The following HCRTR2 variants were observed in gnomAD, a reference collection of about 807,000 sequenced individuals.
HCRTR2 encodes the protein orexin receptor type 2.
In HCRTR2, 22 loss-of-function variants were observed where a neutral mutation model predicts 49.0. The observed-to-expected ratio is 0.45, with a 90% CI of 0.32 to 0.64. HCRTR2 has a LOEUF of 0.64. Among genes scored for constraint, HCRTR2 ranks in the 30% least tolerant of loss-of-function variants. HCRTR2 has a pLI of 0.04. For missense variants in HCRTR2, 491 were observed against 559.4 expected (o/e 0.88, Z 1.23); for synonymous variants, 236 against 205.3 (o/e 1.15, Z -1.28).
At chr6:55,123,509 G>C (rs571220976) in intron 1 of HCRTR2, among the ~76,000 whole-genome samples, 187 of 152,170 alleles carry the variant, frequency 1.2e-3, no homozygotes, top group Non-Finnish European at 2.5e-3. Flanking sequence ...TTTTTGATGT[G>C]CTGCTGGATC....
At chr6:55,262,043 A>G (rs761699579) in intron 3 of HCRTR2, among the ~76,000 whole-genome samples, 1 of 151,968 alleles carries the variant, frequency 6.6e-6, no homozygotes, top group African/African-American at 2.4e-5. Context: ...ACCAAACAAC[A>G]TATGTTCTCA....
At chr6:55,233,874 C>T (rs1231462635) in intron 1 of HCRTR2, among the ~76,000 whole-genome samples, 2 of 152,008 alleles carry the variant, frequency 1.3e-5, no homozygotes, top group South Asian at 2.1e-4. Context: ...TTTGGAAATC[C>T]ATGTATGTTA....
At chr6:55,129,856 G>A (rs1344507260) in intron 1 of HCRTR2, among the ~76,000 whole-genome samples, 3 of 151,894 alleles carry the variant, frequency 2.0e-5, no homozygotes, top group African/African-American at 7.2e-5. Context: ...AATTTCTATA[G>A]AAGTTGCCTT....
At chr6:55,197,652 C>T (rs541453691) in intron 1 of HCRTR2, among the ~76,000 whole-genome samples, 50 of 152,180 alleles carry the variant, frequency 3.3e-4, no homozygotes, top group South Asian at 1.0e-3. Context: ...GATGGAGTCT[C>T]GCTCTGTCTC....
chr6:55,258,867 A>G (rs889081376), intron 3 of HCRTR2, among the ~76,000 whole-genome samples: 14 of 152,092 alleles, frequency 9.2e-5, no homozygotes, highest in Non-Finnish European at 1.8e-4. Context: ...CCTGGCCAAC[A>G]TGGTGAAACC....
chr6:55,119,417 A>G (rs1385890031), intron 1 of HCRTR2, among the ~76,000 whole-genome samples: 2 of 151,976 alleles, frequency 1.3e-5, no homozygotes. Context: ...AAGCATTCCT[A>G]TTTCTCCACG....
At chr6:55,212,945 C>T (rs1765721865) in intron 1 of HCRTR2, among the ~76,000 whole-genome samples, 1 of 152,074 alleles carries the variant, frequency 6.6e-6, no homozygotes, top group Non-Finnish European at 1.5e-5. Context: ...TCTCATGTGT[C>T]CATTGGGGAT....
At chr6:55,197,704 C>A (rs1765442419) in intron 1 of HCRTR2, among the ~76,000 whole-genome samples, 1 of 152,110 alleles carries the variant, frequency 6.6e-6, no homozygotes, top group Admixed American at 6.5e-5. Flanking sequence ...TCACTGCAAG[C>A]TCTGCCTCTC....
chr6:55,280,242 G>T (rs965953397), intron 5 of HCRTR2, 81 bp from the exon 6 acceptor site: 24 of 943,754 alleles, frequency 2.5e-5, no homozygotes, highest in Non-Finnish European at 4.1e-5. Context: ...ACAGGAGTCA[G>T]ACCATCCTCT....
intron 1 of HCRTR2, among the ~76,000 whole-genome samples, chr6:55,147,485 T>C (rs991696969): frequency 1.3e-5 from 2 of 152,104 alleles, no homozygotes; most frequent in Non-Finnish European, 2.9e-5. Flanking sequence ...CACACCAACC[T>C]TATGAAATAG....
Position 55,160,671 on chromosome 6 carries a change from C to T in HCRTR2, c.-377-13540C>T, listed in dbSNP as rs565107259. On this transcript the variant is annotated intron_variant, in intron 1 of 7. Transcript: ENST00000615358. ...TAAGCAAATGGAAAGCAAAATAAAG[C>T]GGAGGTTGCAATCCTAGTCTCTGAT... is the stretch of plus-strand genomic sequence containing the variant. Among the ~76,000 whole-genome samples the T allele has an allele frequency of 4.5e-4, 69 of 152,072 alleles. 1 individual carries two copies. Among genetic ancestry groups the T allele is most frequent in the African/African-American group, 6.7e-4 (28 of 41,482 alleles).
intron 4 of HCRTR2, among the ~76,000 whole-genome samples, chr6:55,274,231 C>T (rs1767029971): frequency 2.0e-5 from 1 of 50,234 alleles, no homozygotes; most frequent in Non-Finnish European, 4.0e-5. Context: ...AATGTTTCAT[C>T]ATTTTCAGTA....
intron 1 of HCRTR2, among the ~76,000 whole-genome samples, chr6:55,182,335 C>T (rs1049514908): frequency 2.0e-5 from 3 of 152,182 alleles, no homozygotes; most frequent in African/African-American, 7.2e-5. Context: ...AGCAGTGAAA[C>T]GATGTCACTT....
At chr6:55,108,010 T>C (rs1763998587) in intron 1 of HCRTR2, among the ~76,000 whole-genome samples, 1 of 151,992 alleles carries the variant, frequency 6.6e-6, no homozygotes, top group Non-Finnish European at 1.5e-5. Context: ...AGCACTAAAA[T>C]CAGAAAAGAA....
chr6:55,212,088 A>T (rs376333991), intron 1 of HCRTR2, among the ~76,000 whole-genome samples: 1 of 152,218 alleles, frequency 6.6e-6, no homozygotes, highest in African/African-American at 2.4e-5. Context: ...GTCTTTCTCC[A>T]TATCTCAAGA....
At chr6:55,272,847 C>CTTTT (rs993989385) in intron 4 of HCRTR2, among the ~76,000 whole-genome samples, 10 of 111,294 alleles carry the variant, frequency 9.0e-5, no homozygotes, top group Non-Finnish European at 1.3e-4. Flanking sequence ...GAGGGAAAAC[C>CTTTT]TTTTTTTTTT....
chr6:55,262,113 G>A (rs1161438710), intron 3 of HCRTR2, among the ~76,000 whole-genome samples: 1 of 151,560 alleles, frequency 6.6e-6, no homozygotes, highest in Non-Finnish European at 1.5e-5. Context: ...GGTACTCAGG[G>A]GAAAGTGAGG....
chr6:55,228,828 A>G (rs906943074), intron 1 of HCRTR2, among the ~76,000 whole-genome samples: 2 of 152,198 alleles, frequency 1.3e-5, no homozygotes, highest in African/African-American at 4.8e-5. Context: ...TTTTAATCCT[A>G]TTTTTTGACA....
In HCRTR2 at chr6:55,274,721, A is replaced by G. The variant is rs1767045272; in HGVS notation, c.763-2659A>G. On this transcript the variant is annotated intron_variant, in intron 4 of 6. Coordinates refer to ENST00000370862, the MANE Select transcript of HCRTR2 (RefSeq NM_001384272.1). ...TTGAGCAAATGGTATTATCCTATTTATATATTGCAGGATTTAATTTGATAA... is the reference window on the plus strand; with the variant it reads ...TTGAGCAAATGGTATTATCCTATTTGTATATTGCAGGATTTAATTTGATAA... Among the ~76,000 whole-genome samples the G allele has an allele frequency of 2.0e-5, 3 of 152,122 alleles. No homozygotes were observed. The South Asian group carries it at 6.2e-4, about 31-fold the overall frequency.
Sources: gnomAD v4.1 joint callset for allele counts (sites outside exome capture counted in the v4.1 genomes callset) on GRCh38, gnomAD v4.1.1 for gene constraint, MANE v1.5 for transcripts, NCBI Gene and HGNC (gene_info 2026-07-23, HGNC 2026-07-21) for gene names.